STPG2: variants seen among roughly 807,000 people sequenced by gnomAD.
The protein encoded by STPG2 is sperm-tail PG-rich repeat-containing protein 2.
Under a neutral mutation model 54.2 loss-of-function variants are expected in STPG2, and 56 were observed. The observed-to-expected ratio is 1.03, with a 90% CI of 0.83 to 1.29. The LOEUF (loss-of-function observed/expected upper bound fraction) is 1.29, where lower values mean the gene tolerates loss of function less well. Ranked by LOEUF, STPG2 falls within the 50% of genes most tolerant of loss-of-function variation. STPG2 has a pLI of 0.00. For synonymous variants in STPG2, 200 were observed against 181.8 expected, an observed-to-expected ratio of 1.10 and a Z score of -0.81; for missense variants, 596 against 544.9, an observed-to-expected ratio of 1.09 and a Z score of -0.93.
At chr4:97,826,584 T>C (rs1183604061) in intron 9 of STPG2, among the ~76,000 whole-genome samples, 2 of 152,168 alleles carry the variant, frequency 1.3e-5, no homozygotes, top group Admixed American at 6.5e-5. Context: ...GTCAAACTGA[T>C]TAAGATTGAA....
At chr4:97,942,675 G>GC (rs1215465954) in intron 8 of STPG2, among the ~76,000 whole-genome samples, 1 of 152,082 alleles carries the variant, frequency 6.6e-6, no homozygotes, top group East Asian at 1.9e-4. Context: ...AACTAGCATT[G>GC]CATTTGTCAT....
intron 7 of STPG2, among the ~76,000 whole-genome samples, chr4:97,960,964 CACTAAA>C (rs1393569044): frequency 2.6e-5 from 4 of 151,854 alleles, no homozygotes; most frequent in Non-Finnish European, 5.9e-5. Flanking sequence ...AGGCCATAGT[CACTAAA>C]ACAGCATGGT....
At chr4:98,123,647 G>A (rs781238861) in intron 3 of STPG2, among the ~76,000 whole-genome samples, 2 of 152,200 alleles carry the variant, frequency 1.3e-5, no homozygotes, top group Non-Finnish European at 2.9e-5. Flanking sequence ...GTAGTGCCGA[G>A]AAGAACGTAT....
intron 8 of STPG2, among the ~76,000 whole-genome samples, chr4:97,862,191 T>G (rs1312431159): frequency 6.6e-6 from 1 of 151,018 alleles, no homozygotes; most frequent in Non-Finnish European, 1.5e-5. Flanking sequence ...TCACCTTTAT[T>G]TTGAGCCTAT....
At chr4:97,863,854 T>C (rs575180431) in intron 8 of STPG2, among the ~76,000 whole-genome samples, 2 of 152,114 alleles carry the variant, frequency 1.3e-5, no homozygotes, top group African/African-American at 4.8e-5. Context: ...AAAAAACACA[T>C]GATTATCTCA....
intron 4 of STPG2, among the ~76,000 whole-genome samples, chr4:97,456,327 G>GGA (rs372275507): frequency 1.6e-4 from 24 of 151,100 alleles, no homozygotes; most frequent in Non-Finnish European, 2.2e-4. Context: ...AGCAGGAAGG[G>GGA]GAGAGAGAGA....
chr4:97,911,635 C>T (rs1236442633), intron 8 of STPG2, among the ~76,000 whole-genome samples: 2 of 152,150 alleles, frequency 1.3e-5, no homozygotes, highest in Admixed American at 1.3e-4. Context: ...CAAGTCCTTC[C>T]TGGAGGAATT....
intron 10 of STPG2, among the ~76,000 whole-genome samples, chr4:97,567,931 A>T (rs1391076967): frequency 6.6e-6 from 1 of 152,216 alleles, no homozygotes; most frequent in Non-Finnish European, 1.5e-5. Flanking sequence ...ACCTACAAAG[A>T]GTAGGAGCCC....
intron 8 of STPG2, among the ~76,000 whole-genome samples, chr4:97,873,129 A>G (rs1730050966): frequency 6.6e-6 from 1 of 151,258 alleles, no homozygotes; most frequent in South Asian, 2.1e-4. Context: ...CCACACATAC[A>G]ACCAAATTAT....
intron 4 of STPG2, among the ~76,000 whole-genome samples, chr4:97,460,583 C>T (rs1729638860): frequency 6.6e-6 from 1 of 152,014 alleles, no homozygotes. Context: ...TTAAACTATT[C>T]TTCATGTATT....
chr4:97,907,789 T>C (rs546454370), intron 8 of STPG2, among the ~76,000 whole-genome samples: 29 of 152,232 alleles, frequency 1.9e-4, no homozygotes, highest in Middle Eastern at 3.4e-3. Context: ...ATTTAATAAA[T>C]AGTGGTGGGA....
intron 8 of STPG2, among the ~76,000 whole-genome samples, chr4:97,846,799 G>T (rs867382956): frequency 3.3e-5 from 5 of 151,960 alleles, no homozygotes; most frequent in Non-Finnish European, 7.4e-5. Context: ...AGAAATTCTT[G>T]CAATACACTA....
intron 4 of STPG2, among the ~76,000 whole-genome samples, chr4:97,509,262 T>C (rs1468715556): frequency 6.6e-6 from 1 of 151,828 alleles, no homozygotes; most frequent in Non-Finnish European, 1.5e-5. Context: ...TCTTAAGAGG[T>C]CAGTGTGGAA....
At chr4:97,443,102 C>A (rs1336552111) in intron 4 of STPG2, among the ~76,000 whole-genome samples, 1 of 152,106 alleles carries the variant, frequency 6.6e-6, no homozygotes, top group Non-Finnish European at 1.5e-5. Context: ...GAATGGAAAA[C>A]TATACAGACA....
intron 5 of STPG2, among the ~76,000 whole-genome samples, chr4:98,001,108 A>G (rs1372712461): frequency 3.3e-5 from 5 of 152,180 alleles, no homozygotes; most frequent in African/African-American, 4.8e-5. Flanking sequence ...CACTGGTATT[A>G]GTAATTCAGC....
Position 98,100,677 on chromosome 4 carries a change from T to G in STPG2, c.612+5276A>C, listed in dbSNP as rs1160913643. Among the ~76,000 whole-genome samples the G allele has an allele frequency of 4.1e-5, 6 of 147,796 alleles. 1 individual carries two copies. The highest frequency in any genetic ancestry group is 4.3e-4 in the South Asian group (2 of 4,606). On this transcript the variant is annotated intron_variant, in intron 5 of 10. Transcript: ENST00000295268. ...CTTTTTCTTTCTTTTTTTTTTTTTT[T>G]TTTTTTTTTTGTTTTTGAGACAGAG...
intron 8 of STPG2, among the ~76,000 whole-genome samples, chr4:97,879,418 T>C (rs371382606): frequency 4.7e-4 from 71 of 152,314 alleles, no homozygotes; most frequent in African/African-American, 1.5e-3. Context: ...TAGTTCCACA[T>C]GGCTGGGGGA....
chr4:97,975,204 G>T (rs757960391), intron 6 of STPG2, among the ~76,000 whole-genome samples: 3 of 152,138 alleles, frequency 2.0e-5, no homozygotes, highest in Non-Finnish European at 4.4e-5. Context: ...AAACATTACT[G>T]TAATTCTGAT....
chr4:97,756,597 A>G (rs569379295), intron 9 of STPG2, among the ~76,000 whole-genome samples: 3 of 152,102 alleles, frequency 2.0e-5, no homozygotes, highest in Non-Finnish European at 4.4e-5. Flanking sequence ...AAGTGCTGCT[A>G]TTACAGGCGT....
Sources: gnomAD v4.1 joint callset for allele counts (sites outside exome capture counted in the v4.1 genomes callset) on GRCh38, gnomAD v4.1.1 for gene constraint, MANE v1.5 for transcripts, NCBI Gene and HGNC (gene_info 2026-07-23, HGNC 2026-07-21) for gene names.